Variants in TMEM200A observed in about 807,000 individuals in gnomAD.
TMEM200A encodes the protein two transmembrane C.
TMEM200A carries 12 observed loss-of-function variants against 24.3 expected under a neutral mutation model. That is an observed-to-expected ratio of 0.49 (90% CI 0.32 to 0.80). TMEM200A has a LOEUF of 0.80. TMEM200A is among the 30% of genes least tolerant of loss of function. The pLI is 0.04. For missense variants in TMEM200A, 545 were observed against 614.4 expected, an observed-to-expected ratio of 0.89 and a Z score of 1.19; for synonymous variants, 224 against 224.4, an observed-to-expected ratio of 1.00 and a Z score of 0.02.
intron 2 of TMEM200A, among the ~76,000 whole-genome samples, chr6:130,433,313 T>A (rs1232801488): frequency 1.3e-5 from 2 of 152,056 alleles, no homozygotes; most frequent in African/African-American, 4.8e-5. Context: ...ATTTTTTGTA[T>A]CTTTAGTAGA....
chr6:130,390,667 T>C (rs1778813301), intron 2 of TMEM200A, among the ~76,000 whole-genome samples: 1 of 152,224 alleles, frequency 6.6e-6, no homozygotes, highest in South Asian at 2.1e-4. Flanking sequence ...TTAATACTGA[T>C]AATGGAGTGA....
At chr6:130,365,976 C>T, upstream of TMEM200A, 1 of 985,580 alleles carries the variant, frequency 1.0e-6, no homozygotes, top group East Asian at 1.1e-4. Context: ...CCCAACCCGC[C>T]TCTTCGGGGC....
chr6:130,435,183 A>G (rs970918212), intron 2 of TMEM200A, among the ~76,000 whole-genome samples: 9 of 152,044 alleles, frequency 5.9e-5, no homozygotes, highest in African/African-American at 1.9e-4. Flanking sequence ...CAAGGTCTTA[A>G]TGTGTTGCCC....
intron 2 of TMEM200A, among the ~76,000 whole-genome samples, chr6:130,430,927 T>G (rs1779860576): frequency 1.3e-5 from 2 of 152,254 alleles, no homozygotes; most frequent in South Asian, 4.1e-4. Context: ...AGAAATTTAA[T>G]GTACAGTATA....
intron 2 of TMEM200A, among the ~76,000 whole-genome samples, chr6:130,405,675 C>T (rs975372900): frequency 3.7e-4 from 56 of 152,160 alleles, no homozygotes; most frequent in African/African-American, 1.3e-3. Flanking sequence ...GGGTTATTGT[C>T]ATTACACAGT....
intron 2 of TMEM200A, among the ~76,000 whole-genome samples, chr6:130,402,938 T>C (rs1420592796): frequency 6.6e-6 from 1 of 152,064 alleles, no homozygotes; most frequent in Non-Finnish European, 1.5e-5. Context: ...TCCATCTCCA[T>C]CTCTTTTCTT....
intron 2 of TMEM200A, among the ~76,000 whole-genome samples, chr6:130,422,467 A>G (rs1294727010): frequency 6.6e-6 from 1 of 151,988 alleles, no homozygotes; most frequent in African/African-American, 2.4e-5. Context: ...GGGTTTCACC[A>G]TGTTGGCCAG....
chr6:130,392,448 CCA>C (rs1319881079), intron 2 of TMEM200A, among the ~76,000 whole-genome samples: 1 of 152,206 alleles, frequency 6.6e-6, no homozygotes, highest in Admixed American at 6.5e-5. Flanking sequence ...CATTTCATTT[CCA>C]GTGCAATAGC....
chr6:130,372,892 A>T (rs530306875), intron 1 of TMEM200A, among the ~76,000 whole-genome samples: 1 of 152,220 alleles, frequency 6.6e-6, no homozygotes, highest in East Asian at 1.9e-4. Flanking sequence ...GAACAACTCA[A>T]TAGAATAATA....
intron 1 of TMEM200A, among the ~76,000 whole-genome samples, chr6:130,375,656 A>G (rs929684863): frequency 1.4e-4 from 21 of 152,194 alleles, no homozygotes; most frequent in African/African-American, 4.3e-4. Context: ...GAGGCATTTA[A>G]GCTACAACCT....
intron 2 of TMEM200A, among the ~76,000 whole-genome samples, chr6:130,399,034 G>A (rs942337953): frequency 2.0e-5 from 3 of 151,560 alleles, no homozygotes; most frequent in South Asian, 4.2e-4. Flanking sequence ...TTTTTTCTCC[G>A]ACTTCAATGA....
chr6:130,366,460 G>A lies in TMEM200A; in HGVS notation c.-145G>A, dbSNP rs1197461154. The A allele has an allele frequency of 2.0e-6, 2 of 985,650 alleles. No individual in the cohort carries two copies. The highest frequency in any genetic ancestry group is 4.7e-5 in the South Asian group (1 of 21,302). 61.1% of individuals were successfully genotyped at this position (985,650 alleles called of 1,614,324 possible). A position where few individuals can be genotyped will look rare whatever the true frequency, so the allele number is the denominator to read the frequency against. The stretch of plus-strand genomic sequence containing the variant: ...GCGCCCGACGTCCCGACAGCTCCTG[G>A]AGTGAGACCAGGACTGAGAACAGGG... On this transcript the variant is annotated 5_prime_UTR_variant, in exon 1 of 3. Coordinates refer to ENST00000296978, the MANE Select transcript of TMEM200A (RefSeq NM_001258277.2). This position sits in a 1 kb window ranked among gnomAD's most constrained non-coding sequence, Gnocchi z 4.4.
rs149095190 is a variant in TMEM200A, at chr6:130,376,564, T to C, written c.-80-8609T>C. 4.1e-3 allele frequency among the ~76,000 whole-genome samples: 627 copies of C among 152,290 alleles called. 7 individuals carry two copies. The highest frequency in any genetic ancestry group is 0.014 in the African/African-American group (583 of 41,546). ...ACTCACAAAGTGCTGGGACTACAGG[T>C]GTGAGCCACTGCACCCAGCAAAATC... On this transcript the variant is annotated intron_variant, in intron 1 of 2. Transcript: ENST00000296978.
intron 2 of TMEM200A, among the ~76,000 whole-genome samples, chr6:130,431,607 G>C (rs1583228122): frequency 6.6e-6 from 1 of 152,166 alleles, no homozygotes; most frequent in African/African-American, 2.4e-5. Context: ...TGTTCCTGCA[G>C]AAAATATCTC....
chr6:130,366,290 C>T lies in TMEM200A; in HGVS notation c.-315C>T. 1 of 985,362 alleles carries T rather than the reference C, an allele frequency of 1.0e-6. No homozygotes were observed. The highest frequency in any genetic ancestry group is 1.2e-6 in the Non-Finnish European group (1 of 829,920). The allele number at this position is 985,362 out of a possible 1,614,324, so 61.0% of individuals were successfully genotyped here. A position where few individuals can be genotyped will look rare whatever the true frequency, so the allele number is the denominator to read the frequency against. The stretch of plus-strand genomic sequence containing the variant: ...CCCCACCCTCCGTCCGCTTGCACCC[C>T]TTGCCACCCGCCCCCTCGCCTGACT... On this transcript the variant is annotated 5_prime_UTR_variant, in exon 1 of 3. Coordinates refer to ENST00000296978, the MANE Select transcript of TMEM200A (RefSeq NM_001258277.2). This position sits in a 1 kb window ranked among gnomAD's most constrained non-coding sequence, Gnocchi z 4.4.
intron 2 of TMEM200A, among the ~76,000 whole-genome samples, chr6:130,392,958 A>G (rs935614235): frequency 6.6e-6 from 1 of 152,244 alleles, no homozygotes. Flanking sequence ...CTTGACATGT[A>G]GTAGGTGTTT....
At chr6:130,434,041 A>C (rs1238611611) in intron 2 of TMEM200A, among the ~76,000 whole-genome samples, 2 of 152,186 alleles carry the variant, frequency 1.3e-5, no homozygotes, top group Non-Finnish European at 2.9e-5. Context: ...TTTATTTTAA[A>C]TGTTTATTTC....
chr6:130,430,504 TAGG>T (rs1280401053), intron 2 of TMEM200A, among the ~76,000 whole-genome samples: 30 of 152,226 alleles, frequency 2.0e-4, no homozygotes, highest in African/African-American at 6.5e-4. Flanking sequence ...CCTGCACAAG[TAGG>T]AGAAGAGAGG....
intron 2 of TMEM200A, among the ~76,000 whole-genome samples, chr6:130,416,536 A>ACTG (rs1269346753): frequency 6.6e-6 from 1 of 152,118 alleles, no homozygotes; most frequent in Admixed American, 6.6e-5. Context: ...GCTCATCTTT[A>ACTG]CTGCCCACAC....
Sources: gnomAD v4.1 joint callset for allele counts (sites outside exome capture counted in the v4.1 genomes callset) on GRCh38, gnomAD v4.1.1 for gene constraint, Gnocchi (gnomAD v3.1) non-coding constraint, MANE v1.5 for transcripts, NCBI Gene and HGNC (gene_info 2026-07-23, HGNC 2026-07-21) for gene names.